MTMR3: variants seen among roughly 807,000 people sequenced by gnomAD.
MTMR3 encodes the protein phosphatidylinositol-3,5-bisphosphate 3-phosphatase MTMR3.
A neutral mutation model predicts 132.4 loss-of-function variants in MTMR3; 32 were observed. The observed-to-expected ratio is 0.24, with a 90% confidence interval of 0.18 to 0.32. The LOEUF (loss-of-function observed/expected upper bound fraction) is 0.32. Among genes scored for constraint, MTMR3 ranks in the 10% least tolerant of loss-of-function variants. MTMR3 has a pLI of 1.00. For synonymous variants in MTMR3, 556 were observed against 550.3 expected, an observed-to-expected ratio of 1.01 and a Z score of -0.14; for missense variants, 1,216 against 1,489.6, an observed-to-expected ratio of 0.82 and a Z score of 3.02.
chr22:30,009,514 G>A (rs911891770), intron 12 of MTMR3: 1 of 171,340 alleles, frequency 5.8e-6, no homozygotes, highest in Non-Finnish European at 1.2e-5. Flanking sequence ...AACCTGTTTT[G>A]AACTGGGATG....
At chr22:29,992,380 TTAACA>T (rs891281286) in intron 7 of MTMR3, 3 of 152,446 alleles carry the variant, frequency 2.0e-5, no homozygotes, top group Admixed American at 2.0e-4. Context: ...ATTATAGGTT[TTAACA>T]TGTGACCCCC....
Position 29,988,387 on chromosome 22 carries a change from T to C in MTMR3, c.211-93T>C, listed in dbSNP as rs1055853468. ...GTTCTATTTTTGTTGCTTTCCCTTA[T>C]AGATCTTTTTAATTAGTCTTGTTGG... is the stretch of plus-strand genomic sequence containing the variant. On this transcript the variant is annotated intron_variant, in intron 5 of 19. Transcript: ENST00000401950. 4 of 859,764 alleles carry C rather than the reference T, an allele frequency of 4.7e-6. No homozygotes were observed. In the African/African-American group the frequency reaches 6.7e-5, roughly 14 times the overall value. 53.3% of individuals were successfully genotyped at this position (859,764 alleles called of 1,614,324 possible). A position where few individuals can be genotyped will look rare whatever the true frequency, so the allele number is the denominator to read the frequency against.
At chr22:29,967,667 A>C (rs1044927057) in intron 2 of MTMR3, among the ~76,000 whole-genome samples, 1 of 151,556 alleles carries the variant, frequency 6.6e-6, no homozygotes, top group African/African-American at 2.4e-5. Flanking sequence ...ACATTTCATC[A>C]CCCTGCAAAG....
intron 17 of MTMR3, chr22:30,021,239 C>A: frequency 3.9e-6 from 1 of 259,608 alleles, no homozygotes. Flanking sequence ...TTATTCCTGT[C>A]AGATTTTAGT....
intron 1 of MTMR3, among the ~76,000 whole-genome samples, chr22:29,927,919 T>A (rs900384260): frequency 6.6e-6 from 1 of 150,838 alleles, no homozygotes; most frequent in African/African-American, 2.4e-5. Flanking sequence ...TAAAATGTAA[T>A]GCTAAAATCT....
In MTMR3 at chr22:29,978,305, T is replaced by C. The variant is rs545478443; in HGVS notation, c.4-137T>C. The C allele has an allele frequency of 8.0e-5, 46 of 576,896 alleles. No homozygotes were observed. In the East Asian group the frequency reaches 1.3e-3, roughly 17 times the overall value. The allele number at this position is 576,896 out of a possible 1,614,324, so 35.7% of individuals were successfully genotyped here. Reference sequence around the variant, plus strand: ...ATAGAAAAACTTTTTAAGATCAATATTGTTTCCTTGAGCTTTTCTGCCTGT... The same window carrying C: ...ATAGAAAAACTTTTTAAGATCAATACTGTTTCCTTGAGCTTTTCTGCCTGT... On this transcript the variant is annotated intron_variant, in intron 3 of 19. Coordinates refer to ENST00000401950, the MANE Select transcript of MTMR3 (RefSeq NM_021090.4).
chr22:29,971,179 TTTTC>T, intron 3 of MTMR3, 117 bp downstream of exon 3: 1 of 1,052,736 alleles, frequency 9.5e-7, no homozygotes, highest in Admixed American at 2.9e-5. Flanking sequence ...AATTATTTCT[TTTTC>T]TTTCCCAGAT....
Position 30,019,468 on chromosome 22 carries a change from C to T in MTMR3, c.1821-12C>T, listed in dbSNP as rs1005238373. 5 of 1,580,154 alleles carry T rather than the reference C, an allele frequency of 3.2e-6. No homozygotes were observed. Among genetic ancestry groups the T allele is most frequent in the Non-Finnish European group, 4.3e-6 (5 of 1,166,616 alleles). On this transcript the variant is annotated splice_polypyrimidine_tract_variant and intron_variant, in intron 16 of 19. Coordinates refer to ENST00000401950, the MANE Select transcript of MTMR3 (RefSeq NM_021090.4). ...CCAAGATTTTCATTTCCCCCAAATT[C>T]CTTTCCTTTAGGCTACCAAAGACTA...
At chr22:29,994,954 C>G (rs2067032951) in intron 7 of MTMR3, 1 of 152,250 alleles carries the variant, frequency 6.6e-6, no homozygotes, top group Non-Finnish European at 1.5e-5. Flanking sequence ...GGACTGAAAG[C>G]TAAAAGCTTC....
rs772999430 is a variant in MTMR3 at position 30,017,916 on chromosome 22, C to A, written c.1675-11C>A. The A allele has an allele frequency of 4.3e-6, 7 of 1,612,420 alleles. No individual in the cohort carries two copies. The highest frequency in any genetic ancestry group is 1.7e-5 in the Admixed American group (1 of 59,654). On this transcript the variant is annotated splice_polypyrimidine_tract_variant and intron_variant, in intron 15 of 19. Coordinates refer to ENST00000401950, the MANE Select transcript of MTMR3 (RefSeq NM_021090.4). Reference sequence around the variant, plus strand: ...GGGCATATTTAAACCTGTGTCCTCCCCCCTCCTCAGGTGCTGTACCCTGTG... The same window carrying A: ...GGGCATATTTAAACCTGTGTCCTCCACCCTCCTCAGGTGCTGTACCCTGTG...
chr22:29,910,814 G>T (rs569366309), intron 1 of MTMR3, among the ~76,000 whole-genome samples: 203 of 151,312 alleles, frequency 1.3e-3, no homozygotes, highest in Admixed American at 3.1e-3. Flanking sequence ...TTAGTAAAAG[G>T]CAAAAAGATT....
intron 16 of MTMR3, 41 bp downstream of exon 16, chr22:30,018,113 G>GGTGT: frequency 6.4e-7 from 1 of 1,551,008 alleles, no homozygotes; most frequent in Non-Finnish European, 8.7e-7. Context: ...AGCCTGTGTG[G>GGTGT]GTGTATTCCT....
At chr22:29,897,728 G>C (rs1004292613) in intron 1 of MTMR3, among the ~76,000 whole-genome samples, 1 of 152,174 alleles carries the variant, frequency 6.6e-6, no homozygotes, top group African/African-American at 2.4e-5. Flanking sequence ...GGGATTACAG[G>C]GGTGAGCCAC....
At chr22:29,884,168 T>A (rs2064615666) in intron 1 of MTMR3, among the ~76,000 whole-genome samples, 1 of 152,192 alleles carries the variant, frequency 6.6e-6, no homozygotes, top group Admixed American at 6.5e-5. Context: ...TGCTATTACA[T>A]ATTGATGTTC....
Position 30,030,313 on chromosome 22 carries a change from G to C in MTMR3, c.*4512G>C, listed in dbSNP as rs1054470702. 6.6e-6 allele frequency: 1 copy of C among 151,192 alleles called. No homozygotes were observed. Among genetic ancestry groups the C allele is most frequent in the Non-Finnish European group, 1.5e-5 (1 of 67,834 alleles). The allele number at this position is 151,192 out of a possible 1,614,324, so 9.4% of individuals were successfully genotyped here. A position where few individuals can be genotyped will look rare whatever the true frequency, so the allele number is the denominator to read the frequency against. On this transcript the variant is annotated 3_prime_UTR_variant, in exon 20 of 20. Transcript: ENST00000401950. Reference sequence around the variant, plus strand: ...TGTTTTACATTGCCATTTAAAATTGGCCTTTAACAGCTTCCCAACTAGCTT... The same window carrying C: ...TGTTTTACATTGCCATTTAAAATTGCCCTTTAACAGCTTCCCAACTAGCTT...
At chr22:29,994,233 A>G (rs1185770947) in intron 7 of MTMR3, 2 of 668,944 alleles carry the variant, frequency 3.0e-6, no homozygotes, top group Non-Finnish European at 3.7e-6. Context: ...GTTTCTTCCC[A>G]GTATACACAG....
intron 1 of MTMR3, among the ~76,000 whole-genome samples, chr22:29,886,034 T>C (rs529480409): frequency 6.6e-6 from 1 of 152,358 alleles, no homozygotes; most frequent in East Asian, 1.9e-4. Context: ...AGGCCTTGTC[T>C]GTTTTGTTCC....
At chr22:29,893,681 A>T (rs757307104) in intron 1 of MTMR3, among the ~76,000 whole-genome samples, 12 of 152,040 alleles carry the variant, frequency 7.9e-5, no homozygotes, top group Non-Finnish European at 1.2e-4. Context: ...TAAGACACTT[A>T]TATATAGAAG....
chr22:29,904,870 CAATG>C (rs1365421024), intron 1 of MTMR3, among the ~76,000 whole-genome samples: 32 of 151,964 alleles, frequency 2.1e-4, no homozygotes, highest in African/African-American at 7.7e-4. Context: ...AGCAGTTAGA[CAATG>C]AAGTTACAAG....
Sources: allele counts gnomAD v4.1 joint callset (sites outside exome capture counted in the v4.1 genomes callset), GRCh38; gene constraint gnomAD v4.1.1; transcripts MANE v1.5; gene names NCBI Gene and HGNC (gene_info 2026-07-23, HGNC 2026-07-21).